Variants in SP6 observed in about 807,000 individuals in gnomAD.
SP6 encodes transcription factor Sp6.
A neutral mutation model predicts 23.4 loss-of-function variants in SP6; 10 were observed. The ratio of observed to expected loss-of-function variants is 0.43; its 90% CI spans 0.26 to 0.72. The LOEUF (loss-of-function observed/expected upper bound fraction) is 0.72. SP6 is among the 30% of genes least tolerant of loss of function. The pLI is 0.23. For synonymous variants in SP6, 238 were observed against 238.7 expected, an observed-to-expected ratio of 1.00 and a Z score of 0.03; for missense variants, 482 against 523.8, an observed-to-expected ratio of 0.92 and a Z score of 0.78.
chr17:47,863,542 C>CCACTGG, the SP6 span: 1 of 149,716 alleles, frequency 6.7e-6, no homozygotes, highest in African/African-American at 2.5e-5. Flanking sequence ...ATTTTTCAGT[C>CCACTGG]CACTGGTCCA....
the SP6 span, among the ~76,000 whole-genome samples, chr17:47,875,105 C>G: frequency 6.6e-6 from 1 of 152,176 alleles, no homozygotes; most frequent in Non-Finnish European, 1.5e-5. Flanking sequence ...CTCAGAAACT[C>G]TGGCCTGGCA....
the SP6 span, among the ~76,000 whole-genome samples, chr17:47,867,053 G>A: frequency 2.6e-5 from 4 of 152,188 alleles, no homozygotes. Context: ...AAGCGAGGTT[G>A]TGCGGCCGGC....
In SP6 at chr17:47,848,404, A is replaced by G. The variant is rs756035032; in HGVS notation, c.26T>C (p.Leu9Pro). The change falls in exon 2 of 2, where the codon CTG becomes CCG. Residue 9 changes from leucine to proline, a missense_variant. By Grantham distance (98) the Leu-to-Pro change is moderately conservative. Coordinates refer to ENST00000536300, the MANE Select transcript of SP6 (RefSeq NM_001258248.2). The surrounding 1 kb of genome is among the most constrained non-coding windows in gnomAD (Gnocchi z 5.3). ...CGGCGCTTCCGTGTGCTGGCTGCCC[A>G]GAGAGCCGCAGACAGCGGTTAGCAT... MLTAVCGS[L>P]GSQHTEAPHA... 13 of 1,529,944 alleles carry G rather than the reference A, an allele frequency of 8.5e-6. No individual in the cohort carries two copies. The highest frequency in any genetic ancestry group is 1.1e-5 in the Non-Finnish European group (13 of 1,137,196). The allele number at this position is 1,529,944 out of a possible 1,614,324, so 94.8% of individuals were successfully genotyped here. A position where few individuals can be genotyped will look rare whatever the true frequency, so the allele number is the denominator to read the frequency against.
In SP6 at chr17:47,847,898, C is replaced by G. The variant is rs751795198; in HGVS notation, c.532G>C (p.Gly178Arg). 1 of 1,560,812 alleles carries G rather than the reference C, an allele frequency of 6.4e-7. No individual in the cohort carries two copies. Among genetic ancestry groups the G allele is most frequent in the Non-Finnish European group, 8.7e-7 (1 of 1,152,854 alleles). ...GGCGGCCCTAGGAGATGCTGCCCTC[C>G]GGCAGCTGGAAGGAGGTGGTGCGCA... ...PHAHHLLPAA[G>R]GQHLLGPPDG... The change falls in exon 2 of 2, where the codon GGA becomes CGA. Residue 178 changes from glycine to arginine, a missense_variant. Physicochemically the swap from Gly to Arg is moderately radical, Grantham distance 125. Transcript: ENST00000536300.
chr17:47,853,924 C>T (rs2033980194), upstream of SP6, among the ~76,000 whole-genome samples: 1 of 152,212 alleles, frequency 6.6e-6, no homozygotes, highest in Non-Finnish European at 1.5e-5. Context: ...CTTTTGGTTT[C>T]CCACTTGCTA....
chr17:47,863,664 G>T, the SP6 span, among the ~76,000 whole-genome samples: 3 of 150,400 alleles, frequency 2.0e-5, no homozygotes, highest in South Asian at 6.3e-4. Flanking sequence ...TGCCTCCCGG[G>T]TCCAAGCAAT....
At chr17:47,870,797 G>C in the SP6 span, among the ~76,000 whole-genome samples, 1 of 152,138 alleles carries the variant, frequency 6.6e-6, no homozygotes, top group African/African-American at 2.4e-5. Flanking sequence ...TGCCGGTTTT[G>C]TGTGACTTCA....
chr17:47,856,331 T>C (rs1409545258), upstream of SP6, among the ~76,000 whole-genome samples: 1 of 152,182 alleles, frequency 6.6e-6, no homozygotes, highest in East Asian at 1.9e-4. Flanking sequence ...CATTGTCAAA[T>C]GGGAAGGGAG....
chr17:47,868,442 G>A, the SP6 span, among the ~76,000 whole-genome samples: 3 of 152,202 alleles, frequency 2.0e-5, no homozygotes, highest in Non-Finnish European at 4.4e-5. Flanking sequence ...AGTCTTGGAA[G>A]CCACTTGCCT....
At chr17:47,858,893 A>G (rs528828121), upstream of SP6, among the ~76,000 whole-genome samples, 2 of 145,602 alleles carry the variant, frequency 1.4e-5, no homozygotes, top group Middle Eastern at 3.8e-3. Flanking sequence ...TCATGCCTCA[A>G]CCTCCCAAGT....
At chr17:47,867,697 C>T in the SP6 span, among the ~76,000 whole-genome samples, 3 of 151,838 alleles carry the variant, frequency 2.0e-5, no homozygotes, top group Non-Finnish European at 4.4e-5. Flanking sequence ...TTCCTTTGGA[C>T]CAGGAGCGGA....
rs2033922769 is a variant in SP6 at position 47,848,538 on chromosome 17, C to T, written c.-57-52G>A. On this transcript the variant is annotated intron_variant, in intron 1 of 1. Coordinates refer to ENST00000536300, the MANE Select transcript of SP6 (RefSeq NM_001258248.2). The surrounding 1 kb of genome is among the most constrained non-coding windows in gnomAD (Gnocchi z 5.3). The stretch of plus-strand genomic sequence containing the variant: ...TAAGGGAAATAACCAGCTCACTTTC[C>T]CTCCTAACCCAGGTCCTCCTCTCTG... 7 of 1,068,660 alleles carry T rather than the reference C, an allele frequency of 6.6e-6. No individual in the cohort carries two copies. The highest frequency in any genetic ancestry group is 9.2e-6 in the Non-Finnish European group (7 of 757,266). The allele number at this position is 1,068,660 out of a possible 1,614,324, so 66.2% of individuals were successfully genotyped here.
upstream of SP6, among the ~76,000 whole-genome samples, chr17:47,859,415 T>C (rs561904594): frequency 1.3e-5 from 2 of 152,356 alleles, no homozygotes; most frequent in East Asian, 3.9e-4. Context: ...TCCTCTGAAC[T>C]TCCTCAGCAC....
At chr17:47,852,367 G>A (rs2033967061), upstream of SP6, among the ~76,000 whole-genome samples, 2 of 152,096 alleles carry the variant, frequency 1.3e-5, no homozygotes, top group African/African-American at 2.4e-5. Context: ...CTGCCTGGCC[G>A]CTGAGGTGGC....
chr17:47,872,029 C>T, the SP6 span, among the ~76,000 whole-genome samples: 3 of 152,170 alleles, frequency 2.0e-5, no homozygotes, highest in African/African-American at 7.2e-5. Flanking sequence ...TCTCTGTCTC[C>T]CTCTCTTTCA....
the SP6 span, among the ~76,000 whole-genome samples, chr17:47,872,955 C>G: frequency 6.6e-6 from 1 of 152,108 alleles, no homozygotes; most frequent in Non-Finnish European, 1.5e-5. Context: ...CTTTTTGGGT[C>G]CTGGAGAAGC....
At chr17:47,864,229 G>T in the SP6 span, among the ~76,000 whole-genome samples, 3 of 151,608 alleles carry the variant, frequency 2.0e-5, no homozygotes, top group Non-Finnish European at 2.9e-5. Flanking sequence ...ATGAGTCTTT[G>T]AGTCTTTTTT....
At chr17:47,863,040 G>C in the SP6 span, among the ~76,000 whole-genome samples, 1 of 152,282 alleles carries the variant, frequency 6.6e-6, no homozygotes. Context: ...GCCAAGCAGC[G>C]GTGCCAGGTT....
the SP6 span, among the ~76,000 whole-genome samples, chr17:47,862,287 T>G: frequency 6.8e-6 from 1 of 146,198 alleles, no homozygotes; most frequent in Non-Finnish European, 1.5e-5. Context: ...GAGGTTGCAA[T>G]GAACTGAGAT....
Sources: allele counts gnomAD v4.1 joint callset (sites outside exome capture counted in the v4.1 genomes callset), GRCh38; gene constraint gnomAD v4.1.1; non-coding constraint Gnocchi (gnomAD v3.1); transcripts MANE v1.5; gene names NCBI Gene and HGNC (gene_info 2026-07-23, HGNC 2026-07-21).